Variants in PTP4A2 observed in about 807,000 individuals in gnomAD.
PTP4A2 encodes protein tyrosine phosphatase type IVA 2.
Under a neutral mutation model 22.9 loss-of-function variants are expected in PTP4A2, and 2 were observed. That is an observed-to-expected ratio of 0.09 (90% CI 0.04 to 0.27). PTP4A2 has a LOEUF of 0.27. Among genes scored for constraint, PTP4A2 ranks in the 10% least tolerant of loss-of-function variants. The pLI, the probability that PTP4A2 is intolerant of heterozygous loss-of-function variation, is 1.00. For synonymous variants in PTP4A2, 68 were observed against 69.1 expected (o/e 0.98, Z 0.08); for missense variants, 103 against 205.1 (o/e 0.50, Z 3.04).
At chr1:31,912,411 T>G (rs1031141370) in intron 3 of PTP4A2, among the ~76,000 whole-genome samples, 3 of 152,356 alleles carry the variant, frequency 2.0e-5, no homozygotes, top group Middle Eastern at 3.4e-3. Flanking sequence ...ATTTTTAAAG[T>G]GCTTACTAAA....
chr1:31,931,304 G>A (rs928565893), intron 1 of PTP4A2, among the ~76,000 whole-genome samples: 1 of 152,208 alleles, frequency 6.6e-6, no homozygotes, highest in Middle Eastern at 3.2e-3. Context: ...TAGAAACAGT[G>A]AAGGAACCAT....
chr1:31,927,699 C>T (rs1048971956), intron 1 of PTP4A2, among the ~76,000 whole-genome samples: 2 of 152,152 alleles, frequency 1.3e-5, no homozygotes, highest in African/African-American at 2.4e-5. Flanking sequence ...TCAAGATACA[C>T]TTTGACGTGG....
chr1:31,922,614 CTTTCTTTCTTTCTTTCTTTCTTTT>C (rs1261796209), intron 1 of PTP4A2, among the ~76,000 whole-genome samples: 3 of 148,260 alleles, frequency 2.0e-5, no homozygotes, highest in African/African-American at 7.7e-5. Flanking sequence ...TTCTTTCTTT[CTTTCTTTCTTTCTTTCTTTCTTTT>C]ATTTATTTTG....
intron 2 of PTP4A2, among the ~76,000 whole-genome samples, chr1:31,918,127 T>TA (rs1200199786): frequency 1.3e-5 from 2 of 151,398 alleles, no homozygotes; most frequent in Non-Finnish European, 2.9e-5. Context: ...CAGGTGCCTG[T>TA]AGTCCCAGCT....
chr1:31,938,183 TTGC>T lies in PTP4A2; in HGVS notation c.-793_-791del, dbSNP rs1422764918. The T allele has an allele frequency of 1.1e-4, 16 of 151,234 alleles. No individual in the cohort carries two copies. Among genetic ancestry groups the T allele is most frequent in the East Asian group, 1.9e-4 (1 of 5,150 alleles). The allele number at this position is 151,234 out of a possible 1,614,324, so 9.4% of individuals were successfully genotyped here. On this transcript the variant is annotated 5_prime_UTR_variant, in exon 1 of 6. Coordinates refer to ENST00000647444, the MANE Select transcript of PTP4A2 (RefSeq NM_080391.4). The surrounding 1 kb of genome is among the most constrained non-coding windows in gnomAD (Gnocchi z 4.4). ...GGCGGCGCGTCTCCACGAGTCCGTC[TTGC>T]TGCTGCTGCTGCGGCCGCCGCTGCG...
chr1:31,920,964 T>C (rs1652123068), intron 1 of PTP4A2, among the ~76,000 whole-genome samples: 1 of 152,170 alleles, frequency 6.6e-6, no homozygotes, highest in Admixed American at 6.5e-5. Flanking sequence ...TAATCAAAAT[T>C]TCACTTTGAG....
chr1:31,923,329 C>CT (rs894382854), intron 1 of PTP4A2, among the ~76,000 whole-genome samples: 3,984 of 113,934 alleles, frequency 0.035, 159 homozygotes, highest in Non-Finnish European at 0.041. Context: ...GCCTCAACCT[C>CT]TTTTTTTTTT....
intron 4 of PTP4A2, chr1:31,911,238 G>C (rs916838765): frequency 6.6e-6 from 1 of 152,424 alleles, no homozygotes; most frequent in Non-Finnish European, 1.5e-5. Context: ...TGACAGCGTT[G>C]CAACACCATT....
intron 2 of PTP4A2, among the ~76,000 whole-genome samples, chr1:31,917,525 T>C (rs1279248621): frequency 6.6e-6 from 1 of 152,232 alleles, no homozygotes; most frequent in Non-Finnish European, 1.5e-5. Flanking sequence ...AAATTTTTTA[T>C]GGTATTTGTG....
intron 1 of PTP4A2, among the ~76,000 whole-genome samples, chr1:31,926,135 T>TA (rs138462840): frequency 0.019 from 2,257 of 120,556 alleles, 66 homozygotes; most frequent in South Asian, 0.053. Flanking sequence ...TTCAAAAAAT[T>TA]AAAAAAAAAA....
At chr1:31,925,047 G>A (rs924196208) in intron 1 of PTP4A2, among the ~76,000 whole-genome samples, 8 of 152,182 alleles carry the variant, frequency 5.3e-5, no homozygotes, top group Non-Finnish European at 1.2e-4. Flanking sequence ...TGTGAGTACT[G>A]TATGCATTCA....
At chr1:31,930,618 C>T (rs1015097802) in intron 1 of PTP4A2, among the ~76,000 whole-genome samples, 2 of 152,184 alleles carry the variant, frequency 1.3e-5, no homozygotes, top group African/African-American at 4.8e-5. Flanking sequence ...GGGTAAGTTA[C>T]ACTTCACTTC....
At position 31,916,369 on chromosome 1, in the gene PTP4A2, A is replaced by G. The variant is rs1484559436; in HGVS notation, c.97-382T>C. On this transcript the variant is annotated intron_variant, in intron 2 of 5. Transcript: ENST00000647444. The stretch of plus-strand genomic sequence containing the variant: ...CCAAAAAAAAAAAAAAAAAAAAAAA[A>G]AAAGAAATCTACTATTATAAATTAA... Among the ~76,000 whole-genome samples the G allele has an allele frequency of 1.3e-4, 19 of 150,280 alleles. 1 individual carries two copies. The South Asian group carries it at 3.5e-3, about 28-fold the overall frequency.
intron 4 of PTP4A2, 113 bp downstream of exon 4, chr1:31,911,583 A>T: frequency 1.0e-6 from 1 of 986,886 alleles, no homozygotes; most frequent in Non-Finnish European, 1.4e-6. Context: ...CCTTTCAGGT[A>T]ATTTAATGTT....
chr1:31,932,362 G>A (rs931509345), intron 1 of PTP4A2, among the ~76,000 whole-genome samples: 4 of 152,112 alleles, frequency 2.6e-5, no homozygotes, highest in Non-Finnish European at 5.9e-5. Flanking sequence ...AACTAGCAAA[G>A]AAAGGGTCAC....
chr1:31,908,911 A>G lies in PTP4A2; in HGVS notation c.445T>C (p.Tyr149His). Reference sequence around the variant, plus strand: ...AAGCGTAATCGCATCTTAGGTCGGTATTTCTCCAAATAAAGCAGCTGTTTG... The same window carrying G: ...AAGCGTAATCGCATCTTAGGTCGGTGTTTCTCCAAATAAAGCAGCTGTTTG... ...NSKQLLYLEK[Y>H]RPKMRLRFRD... Residue 149 changes from tyrosine to histidine, a missense_variant, in exon 6 of 6, where the codon TAC becomes CAC. Around this residue, in one of 3 missense-constraint regions of PTP4A2, gnomAD observed 35 missense variants for 64.5 expected, o/e 0.54. Transcript: ENST00000647444. The G allele has an allele frequency of 6.2e-7, 1 of 1,614,048 alleles. No individual in the cohort carries two copies. Among genetic ancestry groups the G allele is most frequent in the Non-Finnish European group, 8.5e-7 (1 of 1,179,996 alleles).
intron 1 of PTP4A2, among the ~76,000 whole-genome samples, chr1:31,935,820 T>C (rs2124282970): frequency 6.6e-6 from 1 of 152,204 alleles, no homozygotes; most frequent in African/African-American, 2.4e-5. Context: ...ACAATACTAT[T>C]TACTATTTCT....
chr1:31,922,517 G>A (rs2124209081), intron 1 of PTP4A2, among the ~76,000 whole-genome samples: 1 of 152,306 alleles, frequency 6.6e-6, no homozygotes, highest in East Asian at 1.9e-4. Context: ...GGGGCTCAGA[G>A]AGGTTAAAAT....
chr1:31,927,860 T>C (rs1306707866), intron 1 of PTP4A2, among the ~76,000 whole-genome samples: 1 of 152,044 alleles, frequency 6.6e-6, no homozygotes, highest in Admixed American at 6.6e-5. Context: ...GGGAAAGTCC[T>C]CTGTAAAATG....
Sources: allele counts gnomAD v4.1 joint callset (sites outside exome capture counted in the v4.1 genomes callset), GRCh38; gene constraint gnomAD v4.1.1; regional missense constraint gnomAD v4.1.1; non-coding constraint Gnocchi (gnomAD v3.1); transcripts MANE v1.5; gene names NCBI Gene and HGNC (gene_info 2026-07-23, HGNC 2026-07-21).